Variants in DOCK11 observed in about 807,000 individuals in gnomAD.
DOCK11 encodes the protein dedicator of cytokinesis 11.
In DOCK11, 70 loss-of-function variants were observed where a neutral mutation model predicts 169.1. That is an observed-to-expected ratio of 0.41 (90% confidence interval 0.34 to 0.51). The LOEUF is 0.51. DOCK11 is among the 20% of genes least tolerant of loss of function. The pLI, the probability that DOCK11 is intolerant of heterozygous loss-of-function variation, is 0.10. For missense variants in DOCK11, 1,166 were observed against 1,538.8 expected (o/e 0.76, Z 4.05); for synonymous variants, 529 against 541.3 (o/e 0.98, Z 0.32).
intron 41 of DOCK11, 142 bp from the exon 42 acceptor site, chrX:118,651,822 A>G (rs1392315064): frequency 8.2e-6 from 3 of 363,637 alleles, no homozygotes; most frequent in African/African-American, 5.3e-5. Flanking sequence ...CCCCTCATGT[A>G]TGAAGGGTAC....
At chrX:118,574,154 G>T in intron 12 of DOCK11, 136 bp downstream of exon 12, 2 of 690,164 alleles carry the variant, frequency 2.9e-6, no homozygotes, top group Non-Finnish European at 4.2e-6. Flanking sequence ...GATTTTTCTG[G>T]TTACTGAAGT....
intron 23 of DOCK11, among the ~76,000 whole-genome samples, chrX:118,602,607 C>A (rs915568907): frequency 1.8e-5 from 2 of 109,879 alleles, no homozygotes; most frequent in African/African-American, 3.3e-5. Context: ...ATGGTATGAA[C>A]TCAGCTCACT....
At chrX:118,565,061 G>A (rs1371697004) in intron 7 of DOCK11, among the ~76,000 whole-genome samples, 4 of 108,978 alleles carry the variant, frequency 3.7e-5, no homozygotes, top group African/African-American at 1.3e-4. Context: ...TCAGCCCCAC[G>A]AGTAGCTGGG....
intron 19 of DOCK11, 136 bp downstream of exon 19, chrX:118,590,438 A>G (rs987949567): frequency 1.7e-5 from 9 of 533,552 alleles, no homozygotes; most frequent in Non-Finnish European, 9.2e-6. Flanking sequence ...TATTACAACA[A>G]AACAGAGTGT....
chrX:118,574,402 C>T (rs2013380022), intron 12 of DOCK11, among the ~76,000 whole-genome samples: 2 of 110,942 alleles, frequency 1.8e-5, no homozygotes, highest in Non-Finnish European at 3.8e-5. Context: ...CCCATCTCTA[C>T]TAAAGGTACC....
chrX:118,647,751 TA>T (rs1213113840), intron 40 of DOCK11, among the ~76,000 whole-genome samples: 7 of 50,282 alleles, frequency 1.4e-4, no homozygotes, highest in Non-Finnish European at 1.9e-4. Context: ...TAATATATAA[TA>T]ATATATAATA....
intron 9 of DOCK11, 120 bp downstream of exon 9, chrX:118,566,773 G>A: frequency 1.6e-6 from 1 of 626,253 alleles, no homozygotes; most frequent in Non-Finnish European, 2.4e-6. Context: ...CAGCAAATTG[G>A]TGAAACAGGT....
At chrX:118,602,580 G>T (rs766132599) in intron 23 of DOCK11, among the ~76,000 whole-genome samples, 2 of 109,421 alleles carry the variant, frequency 1.8e-5, no homozygotes, top group Non-Finnish European at 3.8e-5. Flanking sequence ...TCACTCTGTT[G>T]CCCAGGCTGG....
intron 48 of DOCK11, among the ~76,000 whole-genome samples, chrX:118,677,846 T>G (rs1176753309): frequency 8.9e-6 from 1 of 112,419 alleles, no homozygotes. Flanking sequence ...TGCAGCCAGA[T>G]AGTGTAAGAC....
chrX:118,637,557 TG>T (rs2015422830), intron 36 of DOCK11, among the ~76,000 whole-genome samples: 2 of 110,841 alleles, frequency 1.8e-5, no homozygotes, highest in African/African-American at 3.3e-5. Flanking sequence ...CCCAGGAGTT[TG>T]AGAGCAGCCT....
Position 118,639,536 on chromosome X carries a change from A to G in DOCK11, c.4103A>G (p.Gln1368Arg). ...NRSGVMQARLQHLSSLESSFT... is the reference protein window; with the variant it reads ...NRSGVMQARLRHLSSLESSFT... ...TCAGGAGTAATGCAGGCCCGGCTTC[A>G]GCATCTTAGTAGCCTAGAAAGTTCA... Residue 1368 changes from glutamine (Q) to arginine (R), a missense_variant, in exon 38 of 53, where the codon CAG becomes CGG. Gln to Arg is a conservative substitution (Grantham distance 43, BLOSUM62 1). Coordinates refer to ENST00000276202, the MANE Select transcript of DOCK11 (RefSeq NM_144658.4). 8.3e-7 allele frequency: 1 copy of G among 1,211,148 alleles called. No homozygotes were observed. Among genetic ancestry groups the G allele is most frequent in the Non-Finnish European group, 1.1e-6 (1 of 894,963 alleles).
In DOCK11 at chrX:118,686,017, T is replaced by C; in HGVS notation, c.*210T>C. On this transcript the variant is annotated 3_prime_UTR_variant, in exon 53 of 53. Transcript: ENST00000276202. ...CACCACTGTGCTTGGTTTGTACTTT[T>C]TTAGGTAAATCTATATGCTGAAAAG... 2.7e-6 allele frequency: 1 copy of C among 370,472 alleles called. No individual in the cohort carries two copies. The highest frequency in any genetic ancestry group is 4.4e-6 in the Non-Finnish European group (1 of 224,819). 30.5% of individuals were successfully genotyped at this position (370,472 alleles called of 1,213,427 possible). A position where few individuals can be genotyped will look rare whatever the true frequency, so the allele number is the denominator to read the frequency against.
chrX:118,635,423 G>A (rs1254492355), intron 35 of DOCK11, among the ~76,000 whole-genome samples: 1 of 111,731 alleles, frequency 9.0e-6, no homozygotes, highest in Non-Finnish European at 1.9e-5. Flanking sequence ...AGGTGTGTTG[G>A]GGAAGAAATG....
chrX:118,590,894 C>G (rs987469518), intron 19 of DOCK11, among the ~76,000 whole-genome samples: 1 of 111,972 alleles, frequency 8.9e-6, no homozygotes, highest in African/African-American at 3.2e-5. Flanking sequence ...CTTTGAAACC[C>G]TGTCTCTGCC....
At chrX:118,571,880 A>G (rs944371890) in intron 10 of DOCK11, among the ~76,000 whole-genome samples, 2 of 112,145 alleles carry the variant, frequency 1.8e-5, no homozygotes, top group African/African-American at 6.5e-5. Flanking sequence ...CAAGCCATAC[A>G]GCTATCTGAG....
chrX:118,522,392 G>A (rs1325078042), intron 1 of DOCK11, among the ~76,000 whole-genome samples: 2 of 111,587 alleles, frequency 1.8e-5, no homozygotes, highest in African/African-American at 6.5e-5. Context: ...TTCTGTTGCT[G>A]CATAGCAAAT....
intron 6 of DOCK11, among the ~76,000 whole-genome samples, chrX:118,557,626 T>C (rs1225464715): frequency 1.0e-4 from 11 of 107,290 alleles, no homozygotes; most frequent in Non-Finnish European, 2.1e-4. Context: ...TAGCCGGGCA[T>C]GGTGGCGGGC....
At chrX:118,562,744 C>A (rs1288327563) in intron 7 of DOCK11, among the ~76,000 whole-genome samples, 1 of 112,078 alleles carries the variant, frequency 8.9e-6, no homozygotes, top group Non-Finnish European at 1.9e-5. Flanking sequence ...CCCGTTTGAA[C>A]CTTATCTTTT....
At position 118,685,881 on chromosome X, in the gene DOCK11, T is replaced by G. The variant is rs1389974328; in HGVS notation, c.*74T>G. 5.2e-6 allele frequency: 6 copies of G among 1,147,214 alleles called. No individual in the cohort carries two copies. The Admixed American group carries it at 1.5e-4, about 28-fold the overall frequency. The allele number at this position is 1,147,214 out of a possible 1,213,427, so 94.5% of individuals were successfully genotyped here. A position where few individuals can be genotyped will look rare whatever the true frequency, so the allele number is the denominator to read the frequency against. On this transcript the variant is annotated 3_prime_UTR_variant, in exon 53 of 53. Coordinates refer to ENST00000276202, the MANE Select transcript of DOCK11 (RefSeq NM_144658.4). Reference sequence around the variant, plus strand: ...TTGGAGCTGTGCAAATGTTAAAATTTAAAGATTTGATATACATGGAGTGTT... The same window carrying G: ...TTGGAGCTGTGCAAATGTTAAAATTGAAAGATTTGATATACATGGAGTGTT...
Sources: allele counts gnomAD v4.1 joint callset (sites outside exome capture counted in the v4.1 genomes callset), GRCh38; gene constraint gnomAD v4.1.1; transcripts MANE v1.5; gene names NCBI Gene and HGNC (gene_info 2026-07-23, HGNC 2026-07-21).